The following IMPG1 variants were observed in gnomAD, a reference collection of about 807,000 sequenced individuals.
IMPG1 encodes the protein interphotoreceptor matrix proteoglycan of 150 kDa.
In IMPG1, 85 loss-of-function variants were observed where a neutral mutation model predicts 92.0. The observed-to-expected ratio is 0.92, with a 90% CI of 0.78 to 1.11. The LOEUF is 1.11. Among genes scored for constraint, IMPG1 ranks in the 50% least tolerant of loss-of-function variants. IMPG1 has a pLI of 0.00. For missense variants in IMPG1, 1,022 were observed against 956.0 expected, an observed-to-expected ratio of 1.07 and a Z score of -0.91; for synonymous variants, 367 against 334.1, an observed-to-expected ratio of 1.10 and a Z score of -1.08.
At chr6:76,016,402 A>G (rs1029827042) in intron 7 of IMPG1, among the ~76,000 whole-genome samples, 10 of 152,248 alleles carry the variant, frequency 6.6e-5, no homozygotes, top group African/African-American at 2.4e-4. Context: ...GAATTGCCAA[A>G]AAGAATGTTC....
At chr6:76,009,877 C>A (rs1474255010) in intron 8 of IMPG1, among the ~76,000 whole-genome samples, 1 of 152,150 alleles carries the variant, frequency 6.6e-6, no homozygotes, top group Non-Finnish European at 1.5e-5. Context: ...CCATCATTTC[C>A]TTCAGCTTTA....
intron 11 of IMPG1, 137 bp downstream of exon 11, chr6:76,003,737 T>C: frequency 3.1e-6 from 2 of 643,068 alleles, no homozygotes; most frequent in Admixed American, 6.8e-5. Context: ...CAAGTGCTGC[T>C]TGTAAAAAAC....
chr6:75,931,814 G>A (rs1241443305), intron 14 of IMPG1, among the ~76,000 whole-genome samples: 1 of 152,114 alleles, frequency 6.6e-6, no homozygotes. Context: ...ATTCTATAGG[G>A]TTGTCTCCAA....
intron 4 of IMPG1, among the ~76,000 whole-genome samples, chr6:76,029,945 C>T (rs1783625816): frequency 6.6e-6 from 1 of 151,540 alleles, no homozygotes; most frequent in Non-Finnish European, 1.5e-5. Flanking sequence ...TATTTTTGTC[C>T]CAAACTCAAT....
At chr6:75,933,872 A>AC (rs1781699845) in intron 14 of IMPG1, among the ~76,000 whole-genome samples, 1 of 152,178 alleles carries the variant, frequency 6.6e-6, no homozygotes, top group Non-Finnish European at 1.5e-5. Flanking sequence ...TATTCACAGC[A>AC]CCTCTCAAAT....
chr6:75,962,413 TG>T (rs1369419355), intron 12 of IMPG1, among the ~76,000 whole-genome samples: 2 of 152,134 alleles, frequency 1.3e-5, no homozygotes, highest in Non-Finnish European at 2.9e-5. Context: ...TGACCCATCA[TG>T]TCCAGCAACA....
chr6:75,926,954 C>G (rs902288126), intron 15 of IMPG1, among the ~76,000 whole-genome samples: 2 of 152,148 alleles, frequency 1.3e-5, no homozygotes, highest in Admixed American at 1.3e-4. Context: ...CAGGAGGGCA[C>G]CTGCCTTCAG....
At chr6:76,019,608 CT>C (rs1450452249) in intron 6 of IMPG1, among the ~76,000 whole-genome samples, 1 of 152,190 alleles carries the variant, frequency 6.6e-6, no homozygotes, top group African/African-American at 2.4e-5. Context: ...CTCTCTCTAA[CT>C]TTAGTAGGAC....
chr6:76,009,760 TC>T (rs1783153324), intron 8 of IMPG1, among the ~76,000 whole-genome samples: 1 of 152,254 alleles, frequency 6.6e-6, no homozygotes, highest in Non-Finnish European at 1.5e-5. Flanking sequence ...AATTTCATCA[TC>T]TAACATTTTG....
Position 75,923,668 on chromosome 6 carries a change from CTA to C in IMPG1, c.2280_2281del (p.Ser761CysfsTer2). ...TTGTTGATTTTGGAACTTTTTAACACTAGTTTTGTATGCTTGATTTTCAGAGT... is the reference window on the plus strand; with the variant it reads ...TTGTTGATTTTGGAACTTTTTAACACGTTTTGTATGCTTGATTTTCAGAGT... On this transcript the variant is annotated frameshift_variant, in exon 16 of 17. Transcript: ENST00000369950. LOFTEE classifies it high-confidence loss of function. 6.3e-7 allele frequency: 1 copy of C among 1,589,732 alleles called. No homozygotes were observed. Among genetic ancestry groups the C allele is most frequent in the African/African-American group, 1.3e-5 (1 of 74,674 alleles).
intron 12 of IMPG1, among the ~76,000 whole-genome samples, chr6:75,976,214 C>T (rs1425435433): frequency 6.6e-6 from 1 of 152,150 alleles, no homozygotes; most frequent in Non-Finnish European, 1.5e-5. Flanking sequence ...TATTTCTTAA[C>T]ATTTGCCAAA....
At chr6:76,039,769 G>T (rs140399566) in intron 2 of IMPG1, among the ~76,000 whole-genome samples, 5 of 152,306 alleles carry the variant, frequency 3.3e-5, no homozygotes, top group Admixed American at 2.6e-4. Context: ...AGGAAATTTG[G>T]CTGGGGCACA....
chr6:75,956,771 C>T (rs190507087), intron 12 of IMPG1, among the ~76,000 whole-genome samples: 1 of 152,080 alleles, frequency 6.6e-6, no homozygotes, highest in Admixed American at 6.5e-5. Flanking sequence ...TACCTGTGTC[C>T]CAGAGATTCT....
At chr6:75,981,563 T>C (rs1782628622) in intron 12 of IMPG1, among the ~76,000 whole-genome samples, 1 of 152,238 alleles carries the variant, frequency 6.6e-6, no homozygotes, top group South Asian at 2.1e-4. Context: ...TTTGCTTAGA[T>C]GTTAATGGAA....
Position 76,005,430 on chromosome 6 carries a change from T to A in IMPG1, c.992A>T (p.Glu331Val), listed in dbSNP as rs762429754. The change falls in exon 10 of 17, where the codon GAA (glutamate) becomes GTA (valine). Residue 331 changes from glutamate (E) to valine (V), a missense_variant. This residue lies in a region of IMPG1 where 681 missense variants were observed against 583.6 expected (regional missense o/e 1.17). Transcript: ENST00000369950. The stretch of plus-strand genomic sequence containing the variant: ...GGTTCCATGATAGACTTCCTCACTT[T>A]CAATTTTGTTGGAATCAAAAGACAG... ...DLLSFDSNKI[E>V]SEEVYHGTME... 3 of 1,614,084 alleles carry A rather than the reference T, an allele frequency of 1.9e-6. No individual in the cohort carries two copies. The highest frequency in any genetic ancestry group is 2.5e-6 in the Non-Finnish European group (3 of 1,179,972).
intron 2 of IMPG1, among the ~76,000 whole-genome samples, chr6:76,040,908 C>T (rs992874631): frequency 6.6e-6 from 1 of 152,106 alleles, no homozygotes; most frequent in Non-Finnish European, 1.5e-5. Context: ...TAGTGTACAA[C>T]ACATCACAGG....
At chr6:76,042,683 A>G (rs1024751277) in intron 1 of IMPG1, among the ~76,000 whole-genome samples, 1 of 152,116 alleles carries the variant, frequency 6.6e-6, no homozygotes, top group Admixed American at 6.6e-5. Context: ...AGTTGCATTT[A>G]TAGTACAAGC....
At chr6:76,068,642 A>G (rs2787855) in intron 1 of IMPG1, among the ~76,000 whole-genome samples, 81,248 of 150,454 alleles carry the variant, frequency 0.54, 23,125 homozygotes, top group South Asian at 0.66. Context: ...TCAGCCTCCC[A>G]AGTACCTGGG....
chr6:76,045,581 C>T (rs1369011303), intron 1 of IMPG1, among the ~76,000 whole-genome samples: 2 of 151,826 alleles, frequency 1.3e-5, no homozygotes, highest in Non-Finnish European at 2.9e-5. Flanking sequence ...TTGTCTATGC[C>T]TCTGCCCCAT....
Sources: gnomAD v4.1 joint callset for allele counts (sites outside exome capture counted in the v4.1 genomes callset) on GRCh38, gnomAD v4.1.1 for gene constraint, gnomAD v4.1.1 regional missense constraint, MANE v1.5 for transcripts, NCBI Gene and HGNC (gene_info 2026-07-23, HGNC 2026-07-21) for gene names.